Variants in HHAT observed in about 807,000 individuals in gnomAD.
HHAT encodes hedgehog acyltransferase, also known as protein-cysteine N-palmitoyltransferase HHAT.
HHAT carries 47 observed loss-of-function variants against 70.8 expected under a neutral mutation model. The observed-to-expected ratio is 0.66, with a 90% CI of 0.53 to 0.85. The LOEUF (loss-of-function observed/expected upper bound fraction) is 0.85, where lower values mean the gene tolerates loss of function less well. HHAT is among the 40% of genes least tolerant of loss of function. HHAT has a pLI of 0.00. For missense variants in HHAT, 609 were observed against 604.8 expected (o/e 1.01, Z -0.07); for synonymous variants, 228 against 247.6 (o/e 0.92, Z 0.74).
chr1:210,366,283 C>T (rs2088957576), intron 3 of HHAT, among the ~76,000 whole-genome samples: 1 of 152,028 alleles, frequency 6.6e-6, no homozygotes, highest in Admixed American at 6.6e-5. Context: ...TTATCAGAGT[C>T]CCTGGACTCT....
chr1:210,543,918 T>C (rs2095456296), intron 9 of HHAT, among the ~76,000 whole-genome samples: 1 of 152,166 alleles, frequency 6.6e-6, no homozygotes, highest in African/African-American at 2.4e-5. Context: ...CTACCCTCAC[T>C]GTCTCCACCT....
intron 7 of HHAT, among the ~76,000 whole-genome samples, chr1:210,438,513 G>A (rs753577408): frequency 2.0e-5 from 3 of 151,710 alleles, no homozygotes; most frequent in Non-Finnish European, 4.4e-5. Context: ...ATATATATAT[G>A]TATGTTTATT....
chr1:210,416,741 A>G (rs1194670779), intron 6 of HHAT, among the ~76,000 whole-genome samples: 3 of 152,140 alleles, frequency 2.0e-5, no homozygotes, highest in African/African-American at 7.2e-5. Flanking sequence ...GCTGTCTCCT[A>G]ATGCTGCCCT....
intron 8 of HHAT, among the ~76,000 whole-genome samples, chr1:210,500,074 C>T (rs1189227432): frequency 1.3e-5 from 2 of 152,140 alleles, no homozygotes; most frequent in Non-Finnish European, 2.9e-5. Flanking sequence ...TACCTCATTC[C>T]AGTTAAGCAA....
At chr1:210,539,260 G>T (rs568780908) in intron 9 of HHAT, among the ~76,000 whole-genome samples, 2 of 152,176 alleles carry the variant, frequency 1.3e-5, no homozygotes, top group Admixed American at 6.5e-5. Context: ...GTGGAACAAG[G>T]CCTATTGAGT....
intron 8 of HHAT, among the ~76,000 whole-genome samples, chr1:210,496,002 C>T (rs1215020850): frequency 4.2e-5 from 3 of 70,760 alleles, no homozygotes; most frequent in Admixed American, 3.2e-4. Context: ...CAGAGTCAAA[C>T]TCTATCTCAA....
At chr1:210,329,439 T>C in intron 1 of HHAT, 1 of 1,075,732 alleles carries the variant, frequency 9.3e-7, no homozygotes, top group Non-Finnish European at 1.1e-6. Flanking sequence ...CTTGGCAGTA[T>C]CGGCGGTGCG....
intron 11 of HHAT, among the ~76,000 whole-genome samples, chr1:210,638,379 A>G (rs1672319373): frequency 6.6e-6 from 1 of 152,220 alleles, no homozygotes; most frequent in Admixed American, 6.5e-5. Flanking sequence ...ATGCTACAAC[A>G]TGGATGAACC....
At chr1:210,578,606 G>A (rs1394153154) in intron 9 of HHAT, among the ~76,000 whole-genome samples, 1 of 152,160 alleles carries the variant, frequency 6.6e-6, no homozygotes. Context: ...TAAAGAAAAT[G>A]TGGTATATAC....
intron 7 of HHAT, chr1:210,462,265 G>A (rs1226771265): frequency 6.6e-6 from 1 of 152,184 alleles, no homozygotes; most frequent in Non-Finnish European, 1.5e-5. Flanking sequence ...TCTTCCATAG[G>A]TCCATTGATA....
intron 2 of HHAT, among the ~76,000 whole-genome samples, chr1:210,357,774 C>G (rs886594869): frequency 1.3e-5 from 2 of 152,092 alleles, no homozygotes; most frequent in Non-Finnish European, 2.9e-5. Flanking sequence ...GAGCCGAGTT[C>G]GCACCACTGC....
rs185155735 is a variant in HHAT at position 210,649,093 on chromosome 1, G to A, written c.1391-25195G>A. 1.5e-4 allele frequency among the ~76,000 whole-genome samples: 23 copies of A among 152,252 alleles called. No homozygotes were observed. The East Asian group carries it at 4.4e-3, about 29-fold the overall frequency. ...GCCCAACTGTATAATCTTGGCCTCG[G>A]CAAATACTTAAAGAGGGTAGAGGGG... is the stretch of plus-strand genomic sequence containing the variant. On this transcript the variant is annotated intron_variant, in intron 11 of 11. Transcript: ENST00000261458.
rs1473541532 is a variant in HHAT, at chr1:210,608,072, A to G, written c.1246-15454A>G. On this transcript the variant is annotated intron_variant, in intron 10 of 11. Coordinates refer to ENST00000261458, the MANE Select transcript of HHAT (RefSeq NM_018194.6). Reference sequence around the variant, plus strand: ...TATGGATGGTATGGATATATAATTTAGCCATTCTCCTGTTGAAAATTCAGG... The same window carrying G: ...TATGGATGGTATGGATATATAATTTGGCCATTCTCCTGTTGAAAATTCAGG... Among the ~76,000 whole-genome samples, 3 of 152,354 alleles carry G rather than the reference A, an allele frequency of 2.0e-5. No individual in the cohort carries two copies. In the East Asian group the frequency reaches 5.8e-4, roughly 29 times the overall value.
Position 210,336,442 on chromosome 1 carries a change from T to TA in HHAT, c.-44+7339dup, listed in dbSNP as rs560075745. Among the ~76,000 whole-genome samples the TA allele has an allele frequency of 2.2e-4, 33 of 152,102 alleles. No individual in the cohort carries two copies. The East Asian group carries it at 3.9e-3, about 18-fold the overall frequency. On this transcript the variant is annotated intron_variant, in intron 1 of 11. Coordinates refer to ENST00000261458, the MANE Select transcript of HHAT (RefSeq NM_018194.6). ...TGCCTCTGGCCTGGCGTGCAGTTTT[T>TA]ATCTCAGTGACAATTACTTGGTAAT...
chr1:210,523,619 C>T (rs12405365), intron 9 of HHAT, among the ~76,000 whole-genome samples: 33,258 of 128,728 alleles, frequency 0.26, 4,291 homozygotes, highest in Admixed American at 0.36. Context: ...TGTGTGCGCG[C>T]GCACACGTGC....
chr1:210,504,757 C>G (rs17016365), intron 8 of HHAT, among the ~76,000 whole-genome samples: 2,468 of 152,250 alleles, frequency 0.016, 60 homozygotes, highest in African/African-American at 0.052. Flanking sequence ...AGGAGTTTGT[C>G]CTCCCAGGGC....
intron 9 of HHAT, among the ~76,000 whole-genome samples, chr1:210,543,920 TC>T (rs2095456382): frequency 1.3e-5 from 2 of 152,128 alleles, no homozygotes; most frequent in Non-Finnish European, 1.5e-5. Flanking sequence ...ACCCTCACTG[TC>T]TCCACCTTCC....
At chr1:210,611,050 G>T (rs2148843046) in intron 10 of HHAT, among the ~76,000 whole-genome samples, 1 of 152,186 alleles carries the variant, frequency 6.6e-6, no homozygotes, top group South Asian at 2.1e-4. Flanking sequence ...TTCTGTGAAT[G>T]ATGTCAATGA....
At chr1:210,437,882 A>C (rs1474547876) in intron 7 of HHAT, among the ~76,000 whole-genome samples, 1 of 151,924 alleles carries the variant, frequency 6.6e-6, no homozygotes, top group African/African-American at 2.4e-5. Flanking sequence ...CTTACAGACA[A>C]ATTGGCCAAT....
Sources: gnomAD v4.1 joint callset for allele counts (sites outside exome capture counted in the v4.1 genomes callset) on GRCh38, gnomAD v4.1.1 for gene constraint, MANE v1.5 for transcripts, NCBI Gene and HGNC (gene_info 2026-07-23, HGNC 2026-07-21) for gene names.